The following ERBB4 variants were observed in gnomAD, a reference collection of about 807,000 sequenced individuals.
ERBB4 encodes receptor tyrosine-protein kinase erbB-4.
In ERBB4, 42 loss-of-function variants were observed where a neutral mutation model predicts 158.0. The ratio of observed to expected loss-of-function variants is 0.27; its 90% CI spans 0.21 to 0.34. The LOEUF is 0.34. ERBB4 is among the 10% of genes least tolerant of loss of function. The probability of loss-of-function intolerance (pLI) is 1.00; values close to 1 mark genes in which losing one functional copy is unlikely to be tolerated. For synonymous variants in ERBB4, 583 were observed against 558.7 expected, an observed-to-expected ratio of 1.04 and a Z score of -0.61; for missense variants, 1,333 against 1,624.1, an observed-to-expected ratio of 0.82 and a Z score of 3.08.
At position 211,760,030 on chromosome 2, in the gene ERBB4, A is replaced by G. The variant is rs1277799375; in HGVS notation, c.557-9326T>C. On this transcript the variant is annotated intron_variant, in intron 4 of 27. Coordinates refer to ENST00000342788, the MANE Select transcript of ERBB4 (RefSeq NM_005235.3). ...TGCCTTATGAGATATTTTCACTGGTACATGTAGGAGATAAATACATATTTT... is the reference window on the plus strand; with the variant it reads ...TGCCTTATGAGATATTTTCACTGGTGCATGTAGGAGATAAATACATATTTT... Among the ~76,000 whole-genome samples the G allele has an allele frequency of 3.3e-5, 5 of 152,240 alleles. No individual in the cohort carries two copies. In the East Asian group the frequency reaches 9.6e-4, roughly 29 times the overall value.
chr2:212,329,646 C>G (rs1532855), intron 1 of ERBB4, among the ~76,000 whole-genome samples: 2 of 151,978 alleles, frequency 1.3e-5, no homozygotes, highest in East Asian at 3.9e-4. Context: ...TAGGATATGT[C>G]TTAAAGTTTA....
At chr2:211,820,431 C>T (rs576203909) in intron 3 of ERBB4, among the ~76,000 whole-genome samples, 1 of 152,014 alleles carries the variant, frequency 6.6e-6, no homozygotes, top group Admixed American at 6.6e-5. Context: ...AGGTTTGAAT[C>T]AGTTAATAAA....
chr2:211,847,874 C>T (rs1028143880), intron 3 of ERBB4, among the ~76,000 whole-genome samples: 1 of 152,058 alleles, frequency 6.6e-6, no homozygotes, highest in Admixed American at 6.6e-5. Context: ...TATACAATTT[C>T]TCATCTAGGC....
chr2:212,294,569 G>T (rs1176052817), intron 1 of ERBB4, among the ~76,000 whole-genome samples: 7 of 151,876 alleles, frequency 4.6e-5, no homozygotes, highest in African/African-American at 9.7e-5. Context: ...TCTATGAAAA[G>T]TTGTATCGCT....
chr2:211,633,482 A>ACTT (rs71397136), intron 16 of ERBB4, among the ~76,000 whole-genome samples: 1 of 127,226 alleles, frequency 7.9e-6, no homozygotes, highest in Non-Finnish European at 1.6e-5. Flanking sequence ...GTATTTTCTA[A>ACTT]TTTTTTTTTT....
chr2:212,313,759 T>C (rs2087149295), intron 1 of ERBB4, among the ~76,000 whole-genome samples: 1 of 151,012 alleles, frequency 6.6e-6, no homozygotes, highest in South Asian at 2.1e-4. Flanking sequence ...AAACTATCTT[T>C]GTTTCTTCAT....
At position 211,470,903 on chromosome 2, in the gene ERBB4, G is replaced by A. The variant is rs866057780; in HGVS notation, c.2488-39803C>T. ...TTTGCTGCTGCTGCATCCGGAGGTA[G>A]AGCAGCATCTATTTCTCCATCTCCT... On this transcript the variant is annotated intron_variant, in intron 20 of 27. Transcript: ENST00000342788. Among the ~76,000 whole-genome samples, 45 of 152,336 alleles carry A rather than the reference G, an allele frequency of 3.0e-4. 1 individual carries two copies. The highest frequency in any genetic ancestry group is 7.2e-4 in the Admixed American group (11 of 15,294).
intron 1 of ERBB4, among the ~76,000 whole-genome samples, chr2:212,362,937 G>C (rs536977836): frequency 2.0e-5 from 3 of 151,058 alleles, no homozygotes; most frequent in Non-Finnish European, 4.4e-5. Flanking sequence ...GTGCCATGAA[G>C]ATAAAAATAT....
At chr2:211,543,280 T>C (rs2066862424) in intron 20 of ERBB4, among the ~76,000 whole-genome samples, 1 of 152,056 alleles carries the variant, frequency 6.6e-6, no homozygotes, top group Non-Finnish European at 1.5e-5. Flanking sequence ...ATATTATTTC[T>C]GTGGGTTGCA....
intron 1 of ERBB4, among the ~76,000 whole-genome samples, chr2:212,396,555 G>C (rs4369808): frequency 0.59 from 89,616 of 151,832 alleles, 28,040 homozygotes; most frequent in African/African-American, 0.79. Context: ...TAATGCCCCA[G>C]ATATAGTAAG....
chr2:212,329,560 C>A (rs1383365583), intron 1 of ERBB4, among the ~76,000 whole-genome samples: 3 of 152,002 alleles, frequency 2.0e-5, no homozygotes, highest in Non-Finnish European at 4.4e-5. Flanking sequence ...TCCACCCTGG[C>A]TATATGAGAA....
At chr2:211,413,340 A>ACACACACACG (rs2063309673) in intron 25 of ERBB4, among the ~76,000 whole-genome samples, 2 of 123,652 alleles carry the variant, frequency 1.6e-5, no homozygotes, top group African/African-American at 5.7e-5. Context: ...ACACACACAC[A>ACACACACACG]CACACACATT....
intron 27 of ERBB4, among the ~76,000 whole-genome samples, chr2:211,385,688 A>G (rs1024780549): frequency 6.6e-6 from 1 of 152,178 alleles, no homozygotes; most frequent in African/African-American, 2.4e-5. Context: ...AAATCTGAGA[A>G]TACAGTGTGA....
At chr2:212,117,988 T>C (rs2079620112) in intron 2 of ERBB4, among the ~76,000 whole-genome samples, 1 of 152,212 alleles carries the variant, frequency 6.6e-6, no homozygotes, top group African/African-American at 2.4e-5. Flanking sequence ...TATTTTGAAA[T>C]ATGTACTCTT....
intron 15 of ERBB4, among the ~76,000 whole-genome samples, chr2:211,662,676 T>A (rs1190502246): frequency 2.0e-5 from 3 of 152,186 alleles, no homozygotes; most frequent in South Asian, 2.1e-4. Context: ...AATCTTCTGA[T>A]AAGGAGTAAA....
intron 3 of ERBB4, among the ~76,000 whole-genome samples, chr2:211,945,486 G>A (rs896189262): frequency 6.6e-6 from 1 of 150,782 alleles, no homozygotes; most frequent in African/African-American, 2.4e-5. Flanking sequence ...TTTTGAATGA[G>A]TATGTATTTT....
chr2:211,786,154 C>A (rs1303898867), intron 4 of ERBB4, among the ~76,000 whole-genome samples: 1 of 151,964 alleles, frequency 6.6e-6, no homozygotes, highest in Non-Finnish European at 1.5e-5. Flanking sequence ...TAATAATGAC[C>A]CCCCAAATTT....
At chr2:211,400,306 T>C (rs2063008103) in intron 25 of ERBB4, among the ~76,000 whole-genome samples, 1 of 151,942 alleles carries the variant, frequency 6.6e-6, no homozygotes, top group South Asian at 2.1e-4. Flanking sequence ...TGCAACAGGC[T>C]TTTTTCTCCA....
chr2:212,264,490 CT>C (rs2085058372), intron 1 of ERBB4, among the ~76,000 whole-genome samples: 1 of 152,044 alleles, frequency 6.6e-6, no homozygotes, highest in Non-Finnish European at 1.5e-5. Flanking sequence ...ACAGTGGGCT[CT>C]ACAGACAAGA....
Sources: allele counts gnomAD v4.1 joint callset (sites outside exome capture counted in the v4.1 genomes callset), GRCh38; gene constraint gnomAD v4.1.1; transcripts MANE v1.5; gene names NCBI Gene and HGNC (gene_info 2026-07-23, HGNC 2026-07-21).